The following ASIC2 variants were observed in gnomAD, a reference collection of about 807,000 sequenced individuals.
The protein encoded by ASIC2 is acid-sensing ion channel 2.
ASIC2 carries 25 observed loss-of-function variants against 57.3 expected under a neutral mutation model. The ratio of observed to expected loss-of-function variants is 0.44; its 90% confidence interval spans 0.32 to 0.61. ASIC2 has a LOEUF of 0.61. Ranked by LOEUF, ASIC2 falls within the 20% of genes least tolerant of loss-of-function variation. The pLI, the probability that ASIC2 is intolerant of heterozygous loss-of-function variation, is 0.06. For synonymous variants in ASIC2, 319 were observed against 307.5 expected (o/e 1.04, Z -0.39); for missense variants, 641 against 738.1 (o/e 0.87, Z 1.52).
rs991155841 is a variant in ASIC2 at position 34,115,344 on chromosome 17, T to C, written c.555+40634A>G. Among the ~76,000 whole-genome samples the C allele has an allele frequency of 4.6e-5, 7 of 152,320 alleles. No individual in the cohort carries two copies. In the East Asian group the frequency reaches 5.8e-4, roughly 13 times the overall value. The stretch of plus-strand genomic sequence containing the variant: ...AATTGCAGTGCACTAGAACTCATGT[T>C]TCCCAATCATCCGTTCAGTACTAGA... On this transcript the variant is annotated intron_variant, in intron 1 of 9. Coordinates refer to the ASIC2 transcript ENST00000359872.
chr17:34,077,093 G>A (rs749075356), intron 1 of ASIC2, among the ~76,000 whole-genome samples: 1 of 152,202 alleles, frequency 6.6e-6, no homozygotes, highest in African/African-American at 2.4e-5. Flanking sequence ...GTGAGTAAGG[G>A]AGTACCTGGG....
chr17:33,417,378 A>G (rs1910882986), intron 1 of ASIC2, among the ~76,000 whole-genome samples: 1 of 152,192 alleles, frequency 6.6e-6, no homozygotes, highest in Non-Finnish European at 1.5e-5. Context: ...ATATGGAATA[A>G]TCTATTGCAA....
Position 33,165,341 on chromosome 17 carries a change from G to T in ASIC2, c.709-53274C>A, listed in dbSNP as rs575893318. Among the ~76,000 whole-genome samples the T allele has an allele frequency of 1.3e-4, 20 of 152,278 alleles. No individual in the cohort carries two copies. The South Asian group carries it at 3.9e-3, about 30-fold the overall frequency. The stretch of plus-strand genomic sequence containing the variant: ...TGAACTTTATGGGAGACTCTGACTT[G>T]GTATAGTCTAAGTGCCTCAATGCTT... On this transcript the variant is annotated intron_variant, in intron 1 of 9. Transcript: ENST00000225823.
In ASIC2 at chr17:33,498,986, T is replaced by C. The variant is rs565229211; in HGVS notation, c.556-386919A>G. Among the ~76,000 whole-genome samples, 8 of 152,288 alleles carry C rather than the reference T, an allele frequency of 5.3e-5. No individual in the cohort carries two copies. In the East Asian group the frequency reaches 1.5e-3, roughly 29 times the overall value. On this transcript the variant is annotated intron_variant, in intron 1 of 9. Transcript: ENST00000359872. ...TAGAACTGTCTGGAAGACGAGGAGT[T>C]GGGGTGATGGGTGAAAGACAGGGGT...
intron 1 of ASIC2, among the ~76,000 whole-genome samples, chr17:34,120,444 G>C (rs771998566): frequency 2.6e-5 from 4 of 152,032 alleles, no homozygotes; most frequent in Non-Finnish European, 4.4e-5. Flanking sequence ...ATTAGACTTA[G>C]AGTTGATAAT....
intron 1 of ASIC2, among the ~76,000 whole-genome samples, chr17:34,074,674 A>C (rs529370757): frequency 2.0e-4 from 31 of 152,268 alleles, no homozygotes; most frequent in Non-Finnish European, 3.7e-4. Context: ...TTAGGAAGGC[A>C]GCATTACGTG....
chr17:34,026,439 C>A (rs1242598839), intron 1 of ASIC2, among the ~76,000 whole-genome samples: 3 of 152,154 alleles, frequency 2.0e-5, no homozygotes. Flanking sequence ...AAACAGCTCT[C>A]CCAAACCGAT....
At chr17:33,169,650 T>C (rs1219960537) in intron 1 of ASIC2, among the ~76,000 whole-genome samples, 2 of 152,210 alleles carry the variant, frequency 1.3e-5, no homozygotes, top group Non-Finnish European at 2.9e-5. Flanking sequence ...AGAGGTACAT[T>C]GAAGATCCCT....
chr17:33,496,603 GTTTTTTTTTTTTTTTTT>G (rs61267122), intron 1 of ASIC2, among the ~76,000 whole-genome samples: 33 of 70,996 alleles, frequency 4.6e-4, no homozygotes, highest in South Asian at 2.1e-3. Context: ...GTTATTGTAG[GTTTTTTTTTTTTTTTTT>G]TTTTTTTTTT....
intron 1 of ASIC2, chr17:33,828,360 C>T (rs1343797516): frequency 6.6e-6 from 1 of 152,152 alleles, no homozygotes; most frequent in Non-Finnish European, 1.5e-5. Flanking sequence ...CATGTGACAT[C>T]ATTGGTGCAC....
chr17:33,832,950 C>T lies in ASIC2; in HGVS notation c.555+323028G>A, dbSNP rs548868535. On this transcript the variant is annotated intron_variant, in intron 1 of 9. Transcript: ENST00000359872. The stretch of plus-strand genomic sequence containing the variant: ...ATGGACAAGTAAAATATGGCAAGTA[C>T]ATATTACGGAATATTATGTAGTAGT... 9.3e-4 allele frequency among the ~76,000 whole-genome samples: 141 copies of T among 152,182 alleles called. 1 individual carries two copies. Among genetic ancestry groups the T allele is most frequent in the African/African-American group, 3.1e-3 (130 of 41,508 alleles).
intron 1 of ASIC2, among the ~76,000 whole-genome samples, chr17:33,622,880 T>G (rs1905844645): frequency 6.6e-6 from 1 of 152,238 alleles, no homozygotes; most frequent in Non-Finnish European, 1.5e-5. Flanking sequence ...CACAACCACT[T>G]AACTCAGTTA....
chr17:33,768,087 C>A (rs765632721), intron 1 of ASIC2, among the ~76,000 whole-genome samples: 17 of 152,014 alleles, frequency 1.1e-4, no homozygotes, highest in Non-Finnish European at 2.4e-4. Context: ...CGGCTCACTG[C>A]AAGCTCCGCC....
At chr17:33,194,514 T>C (rs943306771) in intron 1 of ASIC2, among the ~76,000 whole-genome samples, 6 of 152,228 alleles carry the variant, frequency 3.9e-5, no homozygotes, top group Non-Finnish European at 8.8e-5. Context: ...CTTCCATATG[T>C]AGAGTTTTTC....
At chr17:33,042,996 G>A (rs559034587) in intron 3 of ASIC2, among the ~76,000 whole-genome samples, 9 of 151,576 alleles carry the variant, frequency 5.9e-5, no homozygotes, top group East Asian at 3.9e-4. Context: ...GTGCAATCTC[G>A]GCTCACCTCA....
At chr17:33,297,832 AAAT>A, upstream of ASIC2, among the ~76,000 whole-genome samples, 1 of 116,386 alleles carries the variant, frequency 8.6e-6, no homozygotes, top group Admixed American at 9.0e-5. Flanking sequence ...CAAAATAAAT[AAAT>A]AAATAAATAA....
chr17:33,049,746 G>A (rs2091968075), intron 3 of ASIC2, among the ~76,000 whole-genome samples: 1 of 152,196 alleles, frequency 6.6e-6, no homozygotes, highest in Admixed American at 6.5e-5. Flanking sequence ...CAGGGTTACA[G>A]GGAGTTTTAA....
chr17:33,395,204 C>T (rs1251307036), intron 1 of ASIC2, among the ~76,000 whole-genome samples: 2 of 145,268 alleles, frequency 1.4e-5, no homozygotes, highest in Non-Finnish European at 3.0e-5. Flanking sequence ...ATCCATTCAT[C>T]CATCCATCCG....
At chr17:33,523,770 C>T (rs1914810198) in intron 1 of ASIC2, among the ~76,000 whole-genome samples, 1 of 152,168 alleles carries the variant, frequency 6.6e-6, no homozygotes. Context: ...TGTGCTCACT[C>T]TACCAACTAG....
Sources: gnomAD v4.1 joint callset for allele counts (sites outside exome capture counted in the v4.1 genomes callset) on GRCh38, gnomAD v4.1.1 for gene constraint, MANE v1.5 for transcripts, NCBI Gene and HGNC (gene_info 2026-07-23, HGNC 2026-07-21) for gene names.